Variants in MAML2 observed in about 807,000 individuals in gnomAD.
MAML2 encodes mastermind-like protein 2.
MAML2 carries 22 observed loss-of-function variants against 96.1 expected under a neutral mutation model. The observed-to-expected ratio is 0.23, with a 90% CI of 0.16 to 0.33. The LOEUF (loss-of-function observed/expected upper bound fraction) is 0.33, where lower values mean the gene tolerates loss of function less well. Ranked by LOEUF, MAML2 falls within the 10% of genes least tolerant of loss-of-function variation. The probability of loss-of-function intolerance (pLI) is 1.00; values close to 1 mark genes in which losing one functional copy is unlikely to be tolerated. For synonymous variants in MAML2, 561 were observed against 521.3 expected (o/e 1.08, Z -1.04); for missense variants, 1,367 against 1,392.4 (o/e 0.98, Z 0.29).
In MAML2 at chr11:96,093,249, C is replaced by T. The variant is rs771024117; in HGVS notation, c.782G>A (p.Gly261Asp). ...HSPGNGLFNM[G>D]LKEVKKEPGE... is the part of the protein sequence containing the mutation. ...TGGCTCCTTCTTTACCTCCTTTAAG[C>T]CCATGTTAAACAGGCCATTGCCAGG... The change falls in exon 2 of 5, where the codon GGC becomes GAC. Residue 261 changes from glycine (G) to aspartate (D), a missense_variant. Coordinates refer to ENST00000524717, the MANE Select transcript of MAML2 (RefSeq NM_032427.4). 5.6e-6 allele frequency: 9 copies of T among 1,614,018 alleles called. No homozygotes were observed. The highest frequency in any genetic ancestry group is 2.2e-5 in the South Asian group (2 of 91,074).
chr11:96,042,744 C>CTTTTT (rs767509829), intron 2 of MAML2, among the ~76,000 whole-genome samples: 38 of 116,220 alleles, frequency 3.3e-4, no homozygotes, highest in Middle Eastern at 4.7e-3. Context: ...CGTTAACGTT[C>CTTTTT]TTTTTTTTTT....
At position 96,020,700 on chromosome 11, in the gene MAML2, T is replaced by C. The variant is rs551848031; in HGVS notation, c.2140-28977A>G. Among the ~76,000 whole-genome samples, 14 of 152,356 alleles carry C rather than the reference T, an allele frequency of 9.2e-5. No individual in the cohort carries two copies. In the East Asian group the frequency reaches 2.3e-3, roughly 25 times the overall value. The stretch of plus-strand genomic sequence containing the variant: ...AGGTGGTAGGGAGTTATTGTATGTC[T>C]GCTTTCAGACAATGTTTACAGTTTT... On this transcript the variant is annotated intron_variant, in intron 2 of 4. Coordinates refer to ENST00000524717, the MANE Select transcript of MAML2 (RefSeq NM_032427.4).
At chr11:96,084,723 A>G (rs1859580866) in intron 2 of MAML2, among the ~76,000 whole-genome samples, 1 of 152,208 alleles carries the variant, frequency 6.6e-6, no homozygotes, top group African/African-American at 2.4e-5. Context: ...AAAGACTCAG[A>G]GTCACACAGT....
At chr11:96,050,131 C>G (rs937633756) in intron 2 of MAML2, among the ~76,000 whole-genome samples, 1 of 152,152 alleles carries the variant, frequency 6.6e-6, no homozygotes, top group Non-Finnish European at 1.5e-5. Flanking sequence ...AAGATCCTTA[C>G]CGGTGTGGCT....
intron 1 of MAML2, among the ~76,000 whole-genome samples, chr11:96,225,693 C>T (rs1302159907): frequency 2.0e-5 from 3 of 151,888 alleles, no homozygotes; most frequent in Admixed American, 6.6e-5. Context: ...ATTAGCTGGG[C>T]GTGGTGGCGG....
chr11:96,037,382 C>A (rs1256178580), intron 2 of MAML2, among the ~76,000 whole-genome samples: 1 of 152,172 alleles, frequency 6.6e-6, no homozygotes. Context: ...CTTGCTCTTT[C>A]TCTGATATAT....
At chr11:96,023,054 C>T (rs12225963) in intron 2 of MAML2, among the ~76,000 whole-genome samples, 4 of 152,116 alleles carry the variant, frequency 2.6e-5, no homozygotes, top group African/African-American at 9.7e-5. Flanking sequence ...CTGGGTAGAG[C>T]TGAGCAAGAT....
chr11:96,021,143 A>G (rs1311039545), intron 2 of MAML2, among the ~76,000 whole-genome samples: 1 of 151,974 alleles, frequency 6.6e-6, no homozygotes, highest in Admixed American at 6.6e-5. Flanking sequence ...CACCTCTCCT[A>G]TGTGCTTCCA....
intron 1 of MAML2, among the ~76,000 whole-genome samples, chr11:96,203,185 T>A (rs1861850340): frequency 6.6e-6 from 1 of 152,226 alleles, no homozygotes; most frequent in Non-Finnish European, 1.5e-5. Flanking sequence ...TTTTAGGCAC[T>A]GGGCATTCAG....
rs145949733 is a variant in MAML2, at chr11:96,195,479, A to T, written c.514-101962T>A. On this transcript the variant is annotated intron_variant, in intron 1 of 4. Coordinates refer to ENST00000524717, the MANE Select transcript of MAML2 (RefSeq NM_032427.4). Reference sequence around the variant, plus strand: ...TCCAGAAAAATACAGAGGAAGACAAATGTGATTCTTTCATCAGTTCAAAAA... The same window carrying T: ...TCCAGAAAAATACAGAGGAAGACAATTGTGATTCTTTCATCAGTTCAAAAA... Among the ~76,000 whole-genome samples the T allele has an allele frequency of 6.1e-3, 933 of 152,304 alleles. 8 individuals carry two copies. Among genetic ancestry groups the T allele is most frequent in the African/African-American group, 0.018 (769 of 41,574 alleles).
At chr11:96,164,479 T>C (rs1164206142) in intron 1 of MAML2, among the ~76,000 whole-genome samples, 2 of 152,126 alleles carry the variant, frequency 1.3e-5, no homozygotes, top group Non-Finnish European at 2.9e-5. Flanking sequence ...TACCCAGTGT[T>C]TTTTCCATCC....
chr11:96,014,661 A>G (rs1179721639), intron 2 of MAML2, among the ~76,000 whole-genome samples: 1 of 152,210 alleles, frequency 6.6e-6, no homozygotes, highest in Non-Finnish European at 1.5e-5. Flanking sequence ...CCTCACACAA[A>G]CATACTTTTA....
At chr11:96,041,775 T>C (rs1305522540) in intron 2 of MAML2, among the ~76,000 whole-genome samples, 2 of 151,960 alleles carry the variant, frequency 1.3e-5, no homozygotes, top group Admixed American at 1.3e-4. Context: ...TTTCTCCCAG[T>C]TTCCATTGTC....
intron 1 of MAML2, among the ~76,000 whole-genome samples, chr11:96,274,356 A>C (rs370049106): frequency 6.6e-6 from 1 of 152,002 alleles, no homozygotes; most frequent in Non-Finnish European, 1.5e-5. Context: ...TACTGGGAAT[A>C]CAGGCGTGAG....
chr11:96,070,861 T>C (rs1044123613), intron 2 of MAML2, among the ~76,000 whole-genome samples: 29 of 152,268 alleles, frequency 1.9e-4, no homozygotes, highest in African/African-American at 7.0e-4. Flanking sequence ...AGCTATGTGT[T>C]CAGTGCAGGC....
intron 2 of MAML2, among the ~76,000 whole-genome samples, chr11:95,993,714 CAAGT>C (rs906136162): frequency 9.9e-5 from 15 of 152,178 alleles, no homozygotes; most frequent in East Asian, 3.9e-4. Context: ...AATAAATAAA[CAAGT>C]AAGTAAGTAA....
At chr11:96,311,712 T>A (rs1311416126) in intron 1 of MAML2, among the ~76,000 whole-genome samples, 1 of 152,192 alleles carries the variant, frequency 6.6e-6, no homozygotes, top group Non-Finnish European at 1.5e-5. Context: ...TTTGTTATAA[T>A]AGGGAGAATA....
chr11:96,138,723 CAT>C (rs1565226128), intron 1 of MAML2, among the ~76,000 whole-genome samples: 3 of 152,014 alleles, frequency 2.0e-5, no homozygotes. Context: ...ACCTCCGAGA[CAT>C]AGTCCAGGAA....
intron 1 of MAML2, among the ~76,000 whole-genome samples, chr11:96,167,291 G>A (rs989834897): frequency 1.3e-5 from 2 of 151,318 alleles, no homozygotes; most frequent in Non-Finnish European, 2.9e-5. Flanking sequence ...GTTGGCCTGT[G>A]CGGTAGCTCA....
Sources: gnomAD v4.1 joint callset for allele counts (sites outside exome capture counted in the v4.1 genomes callset) on GRCh38, gnomAD v4.1.1 for gene constraint, MANE v1.5 for transcripts, NCBI Gene and HGNC (gene_info 2026-07-23, HGNC 2026-07-21) for gene names.